SFI1: variants seen among roughly 807,000 people sequenced by gnomAD.
SFI1 encodes the protein protein SFI1 homolog.
In SFI1, 195 loss-of-function variants were observed where a neutral mutation model predicts 207.5. That is an observed-to-expected ratio of 0.94 (90% CI 0.84 to 1.06). The LOEUF (loss-of-function observed/expected upper bound fraction) is 1.06. SFI1 is among the 50% of genes least tolerant of loss of function. The probability of loss-of-function intolerance (pLI) is 0.00; values close to 1 mark genes in which losing one functional copy is unlikely to be tolerated. For synonymous variants in SFI1, 630 were observed against 598.9 expected, an observed-to-expected ratio of 1.05 and a Z score of -0.76; for missense variants, 1,634 against 1,588.0, an observed-to-expected ratio of 1.03 and a Z score of -0.49.
rs55854233 is a variant in SFI1 at position 31,614,735 on chromosome 22, C to T, written c.2997-54C>T. ...TTGGAGATCCCACAGAGATCTCAGACCCCCCTGCAGCCCCTGGTCAGCCCA... is the reference window on the plus strand; with the variant it reads ...TTGGAGATCCCACAGAGATCTCAGATCCCCCTGCAGCCCCTGGTCAGCCCA... On this transcript the variant is annotated intron_variant, in intron 27 of 32. Transcript: ENST00000400288. The T allele has an allele frequency of 9.9e-3, 15,650 of 1,581,900 alleles. 98 individuals carry two copies. The highest frequency in any genetic ancestry group is 0.012 in the Non-Finnish European group (13,692 of 1,151,952).
chr22:31,525,735 TAGATAGA>T (rs1169163947), intron 2 of SFI1, among the ~76,000 whole-genome samples: 6 of 144,744 alleles, frequency 4.1e-5, no homozygotes, highest in Non-Finnish European at 8.9e-5. Context: ...GATAGATAGA[TAGATAGA>T]TAGATAGATA....
intron 4 of SFI1, among the ~76,000 whole-genome samples, chr22:31,542,657 A>G (rs935145690): frequency 6.6e-6 from 1 of 151,550 alleles, no homozygotes; most frequent in African/African-American, 2.4e-5. Flanking sequence ...ACTATTATTT[A>G]TTTATTTATT....
At chr22:31,561,185 A>G in intron 7 of SFI1, 105 bp from the exon 8 acceptor site, 7 of 843,344 alleles carry the variant, frequency 8.3e-6, no homozygotes, top group Non-Finnish European at 1.1e-5. Context: ...GGTACTATGA[A>G]GGAGAGGACT....
At chr22:31,516,543 C>T (rs1160435862) in intron 2 of SFI1, among the ~76,000 whole-genome samples, 4 of 151,092 alleles carry the variant, frequency 2.6e-5, no homozygotes, top group African/African-American at 4.9e-5. Flanking sequence ...GAAAGCCAGG[C>T]ACAGTGGCTC....
At chr22:31,591,652 ACCC>A (rs1288695940) in intron 15 of SFI1, among the ~76,000 whole-genome samples, 9 of 55,946 alleles carry the variant, frequency 1.6e-4, no homozygotes, top group Non-Finnish European at 2.6e-4. Context: ...GGGGGGCTGA[ACCC>A]CCCACCTCCC....
intron 8 of SFI1, among the ~76,000 whole-genome samples, chr22:31,562,634 A>AT (rs111353931): frequency 4.5e-4 from 68 of 150,318 alleles, no homozygotes; most frequent in East Asian, 3.5e-3. Context: ...AGGTTTTTTT[A>AT]TTTTTTTTTG....
intron 2 of SFI1, among the ~76,000 whole-genome samples, chr22:31,516,090 G>A (rs2056454072): frequency 6.8e-6 from 1 of 147,208 alleles, no homozygotes. Context: ...CTCATGAGTT[G>A]TATATTGAGT....
chr22:31,514,495 G>A (rs1389543032), intron 2 of SFI1, among the ~76,000 whole-genome samples: 3 of 123,552 alleles, frequency 2.4e-5, no homozygotes, highest in Admixed American at 9.1e-5. Context: ...GCGACAGAGT[G>A]AGACTCTGTC....
chr22:31,531,757 G>A (rs1017999196), intron 4 of SFI1, among the ~76,000 whole-genome samples: 1 of 152,212 alleles, frequency 6.6e-6, no homozygotes, highest in Admixed American at 6.6e-5. Context: ...GCCGGACGTG[G>A]TGGCGCATGC....
At chr22:31,553,867 T>TC (rs2060896502) in intron 6 of SFI1, among the ~76,000 whole-genome samples, 1 of 116,144 alleles carries the variant, frequency 8.6e-6, no homozygotes, top group South Asian at 3.2e-4. Flanking sequence ...TTTTTTTTTT[T>TC]TGCGAGAGTC....
chr22:31,617,854 G>A (rs973775018), intron 31 of SFI1, among the ~76,000 whole-genome samples: 2 of 152,140 alleles, frequency 1.3e-5, no homozygotes, highest in African/African-American at 4.8e-5. Flanking sequence ...CTCTGCACAG[G>A]GGGAGAGAGA....
intron 4 of SFI1, among the ~76,000 whole-genome samples, chr22:31,542,923 A>G (rs2059700180): frequency 6.6e-6 from 1 of 151,080 alleles, no homozygotes; most frequent in Non-Finnish European, 1.5e-5. Flanking sequence ...TGGCCTCCCA[A>G]AGTGCTGGGA....
intron 22 of SFI1, among the ~76,000 whole-genome samples, 155 bp downstream of exon 22, chr22:31,608,188 A>G (rs1010748484): frequency 6.6e-6 from 1 of 152,140 alleles, no homozygotes; most frequent in Non-Finnish European, 1.5e-5. Flanking sequence ...GTCTTCAAAC[A>G]ACACAAAATT....
intron 1 of SFI1, among the ~76,000 whole-genome samples, chr22:31,506,131 C>CCT (rs58977373): frequency 1 from 150,422 of 151,170 alleles, 74,842 homozygotes; most frequent in Middle Eastern, 1. Context: ...TTCACTGCAA[C>CCT]CTGCCTCACG....
At chr22:31,599,707 G>T (rs1182115135) in intron 15 of SFI1, among the ~76,000 whole-genome samples, 3 of 151,398 alleles carry the variant, frequency 2.0e-5, no homozygotes, top group African/African-American at 4.9e-5. Context: ...AACTCCTGGG[G>T]TCAAGTGATC....
intron 27 of SFI1, 70 bp from the exon 28 acceptor site, chr22:31,614,719 C>A: frequency 6.5e-7 from 1 of 1,527,532 alleles, no homozygotes; most frequent in Non-Finnish European, 9.1e-7. Flanking sequence ...ATTGGAGATC[C>A]CACAGAGATC....
At chr22:31,608,438 CT>C (rs1355537486) in intron 22 of SFI1, among the ~76,000 whole-genome samples, 2 of 152,196 alleles carry the variant, frequency 1.3e-5, no homozygotes, top group Non-Finnish European at 2.9e-5. Flanking sequence ...GCCCACCCTA[CT>C]TGAGTGTGAC....
rs779917449 is a variant in SFI1, at chr22:31,614,849, G to A, written c.3057G>A (p.Ala1019=). 7.4e-6 allele frequency: 12 copies of A among 1,613,698 alleles called. No homozygotes were observed. Among genetic ancestry groups the A allele is most frequent in the Middle Eastern group, 1.6e-4 (1 of 6,080 alleles). The change falls in exon 28 of 33, where the codon GCG becomes GCA. Residue 1019 remains alanine, a synonymous_variant. Transcript: ENST00000400288. ...GCCCACACTTCCTGTTGGAGCCTGC[G>A]CAGAGCCAGAGGTCCCTGGGGTGCA... ...PRRPHFLLEP[A]QSQRPQKPQE... is the part of the protein sequence containing the mutation.
chr22:31,556,681 C>T (rs559209870), intron 6 of SFI1, among the ~76,000 whole-genome samples: 16 of 152,248 alleles, frequency 1.1e-4, no homozygotes, highest in East Asian at 7.7e-4. Context: ...TAGAAATAAG[C>T]GCTTTTAAAG....
Sources: gnomAD v4.1 joint callset for allele counts (sites outside exome capture counted in the v4.1 genomes callset) on GRCh38, gnomAD v4.1.1 for gene constraint, MANE v1.5 for transcripts, NCBI Gene and HGNC (gene_info 2026-07-23, HGNC 2026-07-21) for gene names.